LTBP1: variants seen among roughly 807,000 people sequenced by gnomAD.
LTBP1 encodes the protein latent-transforming growth factor beta-binding protein 1.
Under a neutral mutation model 207.6 loss-of-function variants are expected in LTBP1, and 129 were observed. The ratio of observed to expected loss-of-function variants is 0.62; its 90% CI spans 0.54 to 0.72. The LOEUF (loss-of-function observed/expected upper bound fraction) is 0.72. LTBP1 is among the 30% of genes least tolerant of loss of function. The pLI is 0.00. For synonymous variants in LTBP1, 963 were observed against 833.7 expected (o/e 1.16, Z -2.67); for missense variants, 2,281 against 2,217.2 (o/e 1.03, Z -0.58).
At chr2:33,373,161 A>T (rs72861441) in intron 31 of LTBP1, among the ~76,000 whole-genome samples, 1,559 of 152,328 alleles carry the variant, frequency 0.01, 35 homozygotes, top group African/African-American at 0.036. Flanking sequence ...TTGGCGATGT[A>T]ATGTACTACA....
intron 4 of LTBP1, 29 bp downstream of exon 4, chr2:33,110,780 C>T (rs218226): frequency 0.42 from 667,199 of 1,597,684 alleles, 141,489 homozygotes; most frequent in South Asian, 0.47. Flanking sequence ...ACCATTTTCC[C>T]AAGTTATGGT....
intron 5 of LTBP1, among the ~76,000 whole-genome samples, chr2:33,175,481 A>C (rs887071345): frequency 6.6e-6 from 1 of 152,094 alleles, no homozygotes; most frequent in African/African-American, 2.4e-5. Context: ...TTAGAATGGC[A>C]ATCATTAAAA....
At chr2:33,029,524 G>A (rs1418620320) in intron 3 of LTBP1, among the ~76,000 whole-genome samples, 9 of 152,064 alleles carry the variant, frequency 5.9e-5, no homozygotes, top group African/African-American at 2.2e-4. Flanking sequence ...TAATGAAAAA[G>A]AGAACAAAAA....
At chr2:33,221,357 A>T (rs571636806) in intron 8 of LTBP1, among the ~76,000 whole-genome samples, 1 of 152,206 alleles carries the variant, frequency 6.6e-6, no homozygotes, top group South Asian at 2.1e-4. Flanking sequence ...TTTGAAATCC[A>T]CTTCTGCCAC....
chr2:33,396,766 T>C (rs1215692859), intron 32 of LTBP1, among the ~76,000 whole-genome samples: 2 of 152,188 alleles, frequency 1.3e-5, no homozygotes, highest in African/African-American at 4.8e-5. Flanking sequence ...GTGAATTCTG[T>C]TGGTTCTGTT....
chr2:33,382,551 T>G (rs2095228330), intron 31 of LTBP1, among the ~76,000 whole-genome samples: 1 of 152,212 alleles, frequency 6.6e-6, no homozygotes, highest in Non-Finnish European at 1.5e-5. Flanking sequence ...TCATCGTCTC[T>G]GTGATCCTGA....
intron 3 of LTBP1, among the ~76,000 whole-genome samples, chr2:33,106,783 C>T (rs982269663): frequency 1.3e-5 from 2 of 152,160 alleles, no homozygotes; most frequent in African/African-American, 4.8e-5. Context: ...GGTAAATGAG[C>T]ATTGGCTTCA....
chr2:33,322,750 A>G (rs566874905), intron 24 of LTBP1, among the ~76,000 whole-genome samples: 2 of 152,342 alleles, frequency 1.3e-5, no homozygotes, highest in Admixed American at 1.3e-4. Context: ...AATGAGAAGT[A>G]TAGTACAAGA....
intron 13 of LTBP1, 41 bp from the exon 14 acceptor site, chr2:33,262,681 C>CTT (rs199830072): frequency 8.0e-5 from 77 of 967,646 alleles, no homozygotes; most frequent in South Asian, 4.7e-4. Context: ...ACTTTCAATT[C>CTT]TTTTTTTTTT....
intron 31 of LTBP1, among the ~76,000 whole-genome samples, chr2:33,381,161 T>G (rs1182299920): frequency 6.6e-6 from 1 of 152,232 alleles, no homozygotes; most frequent in Admixed American, 6.5e-5. Context: ...ATTGCTTGGA[T>G]GTAAGACTTA....
intron 4 of LTBP1, among the ~76,000 whole-genome samples, chr2:33,127,099 T>C (rs2081477101): frequency 6.6e-6 from 1 of 152,220 alleles, no homozygotes; most frequent in Non-Finnish European, 1.5e-5. Flanking sequence ...TTTTATTGCT[T>C]GTGTGAAAGA....
intron 31 of LTBP1, among the ~76,000 whole-genome samples, chr2:33,385,792 T>C (rs11891105): frequency 0.41 from 62,348 of 151,952 alleles, 15,124 homozygotes; most frequent in African/African-American, 0.68. Flanking sequence ...AGAAAAATAA[T>C]TCAAAATACA....
intron 9 of LTBP1, among the ~76,000 whole-genome samples, chr2:33,239,819 G>A (rs890661089): frequency 2.0e-5 from 3 of 151,730 alleles, no homozygotes; most frequent in East Asian, 1.9e-4. Flanking sequence ...CAGGAGAATC[G>A]CTTGAACCTG....
In LTBP1 at chr2:33,188,806, T is replaced by A; in HGVS notation, c.1656T>A (p.Ala552=). Residue 552 remains alanine, a synonymous_variant, in exon 7 of 34, where the codon GCT becomes GCA. Transcript: ENST00000404816. ...TTCCTCACGTCTACCCCGTGGCTGCTAAGACACAGCTTGGCCGGTGCTTCC... is the reference window on the plus strand; with the variant it reads ...TTCCTCACGTCTACCCCGTGGCTGCAAAGACACAGCTTGGCCGGTGCTTCC... ...QVIPHVYPVA[A]KTQLGRCFQE... is the part of the protein sequence containing the mutation. The A allele has an allele frequency of 1.2e-6, 2 of 1,614,206 alleles. No individual in the cohort carries two copies. The highest frequency in any genetic ancestry group is 1.7e-6 in the Non-Finnish European group (2 of 1,180,036).
intron 3 of LTBP1, among the ~76,000 whole-genome samples, chr2:33,036,913 G>C (rs1262164777): frequency 6.6e-6 from 1 of 152,026 alleles, no homozygotes; most frequent in East Asian, 1.9e-4. Flanking sequence ...ATGTAAAATG[G>C]CTTTCTTACA....
chr2:33,200,214 G>A (rs985978807), intron 7 of LTBP1, among the ~76,000 whole-genome samples: 3 of 152,158 alleles, frequency 2.0e-5, no homozygotes, highest in African/African-American at 7.2e-5. Flanking sequence ...CACGCTACCT[G>A]ACTTCAAACT....
At chr2:33,309,625 A>C in intron 23 of LTBP1, 69 bp downstream of exon 23, 1 of 1,539,548 alleles carries the variant, frequency 6.5e-7, no homozygotes, top group Non-Finnish European at 8.8e-7. Flanking sequence ...TTGCCAGATG[A>C]TAGTCTGTGG....
chr2:33,140,857 C>T (rs75133304), intron 5 of LTBP1, among the ~76,000 whole-genome samples: 5,141 of 151,918 alleles, frequency 0.034, 118 homozygotes, highest in Middle Eastern at 0.12. Flanking sequence ...TCAGTAGAGA[C>T]GGGGTTTCAC....
chr2:33,047,040 T>C (rs1410118290), intron 3 of LTBP1, among the ~76,000 whole-genome samples: 1 of 152,188 alleles, frequency 6.6e-6, no homozygotes, highest in Admixed American at 6.5e-5. Flanking sequence ...TATATCTATT[T>C]TATTAATCTT....
Sources: gnomAD v4.1 joint callset for allele counts (sites outside exome capture counted in the v4.1 genomes callset) on GRCh38, gnomAD v4.1.1 for gene constraint, MANE v1.5 for transcripts, NCBI Gene and HGNC (gene_info 2026-07-23, HGNC 2026-07-21) for gene names.